The following SEMA4B variants were observed in gnomAD, a reference collection of about 807,000 sequenced individuals.
SEMA4B encodes the protein semaphorin-4B.
Under a neutral mutation model 88.1 loss-of-function variants are expected in SEMA4B, and 55 were observed. That is an observed-to-expected ratio of 0.62 (90% CI 0.50 to 0.78). The LOEUF is 0.78. Among genes scored for constraint, SEMA4B ranks in the 30% least tolerant of loss-of-function variants. The probability of loss-of-function intolerance (pLI) is 0.00; values close to 1 mark genes in which losing one functional copy is unlikely to be tolerated. For missense variants in SEMA4B, 1,062 were observed against 1,111.9 expected (o/e 0.96, Z 0.64); for synonymous variants, 525 against 473.6 (o/e 1.11, Z -1.41).
intron 1 of SEMA4B, among the ~76,000 whole-genome samples, chr15:90,185,341 A>C (rs538265525): frequency 4.9e-4 from 75 of 152,346 alleles, no homozygotes; most frequent in African/African-American, 1.8e-3. Context: ...ACATCGCGCC[A>C]GTGCACCACC....
chr15:90,219,651 G>A (rs1961702742), intron 3 of SEMA4B, 142 bp from the exon 4 acceptor site: 27 of 626,902 alleles, frequency 4.3e-5, no homozygotes, highest in South Asian at 4.1e-4. Flanking sequence ...AAACCCGTGG[G>A]TTCTTTGTTC....
upstream of SEMA4B, among the ~76,000 whole-genome samples, chr15:90,197,662 C>T (rs1445268603): frequency 1.3e-5 from 2 of 151,870 alleles, no homozygotes; most frequent in Non-Finnish European, 2.9e-5. Flanking sequence ...TGGTCTCGAG[C>T]TCCTGACCTC....
chr15:90,210,944 G>A (rs1961238097), intron 1 of SEMA4B, among the ~76,000 whole-genome samples: 3 of 152,222 alleles, frequency 2.0e-5, no homozygotes, highest in Admixed American at 2.0e-4. Flanking sequence ...TTTCTAGAAT[G>A]GACATTGGAA....
rs542636170 is a variant in SEMA4B at position 90,212,699 on chromosome 15, A to C, written c.158-4740A>C. The stretch of plus-strand genomic sequence containing the variant: ...CAAGCTCAGGCAGGGTCCTTCACAG[A>C]CGTCTGCAGTCACTCTGGAGGTGAC... On this transcript the variant is annotated intron_variant, in intron 1 of 13. Coordinates refer to ENST00000411539, the MANE Select transcript of SEMA4B (RefSeq NM_198925.4). This position sits in a 1 kb window ranked among gnomAD's most constrained non-coding sequence, Gnocchi z 4.0. Among the ~76,000 whole-genome samples the C allele has an allele frequency of 6.6e-6, 1 of 152,148 alleles. No individual in the cohort carries two copies. Among genetic ancestry groups the C allele is most frequent in the East Asian group, 1.9e-4 (1 of 5,176 alleles).
upstream of SEMA4B, among the ~76,000 whole-genome samples, chr15:90,198,020 G>A (rs895694430): frequency 4.6e-5 from 7 of 150,630 alleles, no homozygotes; most frequent in African/African-American, 1.7e-4. Context: ...TCCACCTCCC[G>A]GGTTCGCGCC....
At chr15:90,198,634 G>C (rs138430530), upstream of SEMA4B, among the ~76,000 whole-genome samples, 36 of 152,300 alleles carry the variant, frequency 2.4e-4, no homozygotes, top group Non-Finnish European at 4.9e-4. Flanking sequence ...TGGTTATCTA[G>C]GGGGAGAGTG....
intron 7 of SEMA4B, 74 bp downstream of exon 7, chr15:90,221,839 C>T: frequency 7.1e-7 from 1 of 1,417,316 alleles, no homozygotes; most frequent in African/African-American, 1.8e-5. Flanking sequence ...TCACCCACAT[C>T]CATGCATGGC....
At chr15:90,222,746 G>A (rs1417324220) in intron 7 of SEMA4B, among the ~76,000 whole-genome samples, 1 of 151,954 alleles carries the variant, frequency 6.6e-6, no homozygotes, top group African/African-American at 2.4e-5. Flanking sequence ...TTCCTCTTCT[G>A]TTAAATAGGA....
intron 1 of SEMA4B, chr15:90,193,178 C>T (rs777182274): frequency 1.3e-5 from 2 of 152,282 alleles, no homozygotes; most frequent in African/African-American, 2.4e-5. Context: ...GAGAAAGACT[C>T]GCCAACATCC....
At chr15:90,209,827 G>A (rs966338820) in intron 1 of SEMA4B, among the ~76,000 whole-genome samples, 21 of 68,304 alleles carry the variant, frequency 3.1e-4, no homozygotes, top group Admixed American at 1.4e-3. Flanking sequence ...TGAACAGACC[G>A]GAGATGAGAG....
chr15:90,214,565 G>A lies in SEMA4B; in HGVS notation c.158-2874G>A, dbSNP rs187978430. 4.2e-3 allele frequency among the ~76,000 whole-genome samples: 633 copies of A among 149,098 alleles called. 3 individuals carry two copies. The highest frequency in any genetic ancestry group is 0.014 in the African/African-American group (576 of 40,446). On this transcript the variant is annotated intron_variant, in intron 1 of 13. Coordinates refer to ENST00000411539, the MANE Select transcript of SEMA4B (RefSeq NM_198925.4). ...GGAGAATCGCTTGAACCTGGGAGGC[G>A]GAGGTTGCGGTGAGCCAAGATTGTG...
chr15:90,216,031 C>T (rs1196715847), intron 1 of SEMA4B, among the ~76,000 whole-genome samples: 1 of 151,038 alleles, frequency 6.6e-6, no homozygotes, highest in African/African-American at 2.4e-5. Flanking sequence ...TCTTGTTGCC[C>T]AGGCTGGAGT....
At chr15:90,227,719 T>C in intron 13 of SEMA4B, 77 bp downstream of exon 13, 1 of 1,517,204 alleles carries the variant, frequency 6.6e-7, no homozygotes, top group Non-Finnish European at 9.1e-7. Flanking sequence ...GCACAGATGT[T>C]GTAAATGCCT....
rs375879354 is a variant in SEMA4B at position 90,223,963 on chromosome 15, C to A, written c.1169C>A (p.Pro390Gln). The A allele has an allele frequency of 1.9e-6, 3 of 1,613,356 alleles. No homozygotes were observed. The highest frequency in any genetic ancestry group is 2.2e-5 in the East Asian group (1 of 44,876). The change falls in exon 9 of 14, where the codon CCG (proline) becomes CAG (glutamine). Residue 390 changes from proline to glutamine, a missense_variant. Physicochemically the swap from Pro to Gln is moderately conservative, Grantham distance 76. Transcript: ENST00000411539. The part of the protein sequence containing the change: ...ETQQWYTVTH[P>Q]VPTPRPGACI... ...CAGCAGTGGTACACCGTGACCCACC[C>A]GGTGCCCACACCCCGGCCTGGAGCG... is the stretch of plus-strand genomic sequence containing the variant.
At chr15:90,214,809 C>T (rs944499054) in intron 1 of SEMA4B, 16 of 316,410 alleles carry the variant, frequency 5.1e-5, no homozygotes, top group Non-Finnish European at 8.9e-5. Context: ...TTGACCTACT[C>T]GTGAATTTTT....
At chr15:90,220,053 C>A (rs3751658) in intron 4 of SEMA4B, 162 bp downstream of exon 4, 103,791 of 566,986 alleles carry the variant, frequency 0.18, 13,881 homozygotes, top group East Asian at 0.59. Flanking sequence ...CACACCCTGG[C>A]ACAAAGCGCA....
Position 90,225,692 on chromosome 15 carries a change from T to C in SEMA4B, c.1553T>C (p.Val518Ala). 6.4e-7 allele frequency: 1 copy of C among 1,567,876 alleles called. No individual in the cohort carries two copies. Among genetic ancestry groups the C allele is most frequent in the African/African-American group, 1.4e-5 (1 of 73,634 alleles). The part of the protein sequence containing the change: ...GLLYAASHSG[V>A]VQVPMANCSL... ...CTGTATGCGGCCTCACACTCGGGCG[T>C]AGTCCAGGTGCCCATGGCCAACTGC... The change falls in exon 12 of 14, where the codon GTA becomes GCA. Residue 518 changes from valine (V) to alanine (A), a missense_variant. Val to Ala is a moderately conservative substitution (Grantham distance 64). Coordinates refer to ENST00000411539, the MANE Select transcript of SEMA4B (RefSeq NM_198925.4).
At chr15:90,221,270 C>T (rs989112887) in intron 5 of SEMA4B, 97 bp from the exon 6 acceptor site, 2 of 1,232,784 alleles carry the variant, frequency 1.6e-6, no homozygotes, top group South Asian at 1.3e-5. Flanking sequence ...CTGCCCACCA[C>T]AGGCAAAACG....
intron 12 of SEMA4B, among the ~76,000 whole-genome samples, chr15:90,226,921 C>T (rs1472365222): frequency 6.9e-6 from 1 of 144,316 alleles, no homozygotes; most frequent in East Asian, 2.0e-4. Flanking sequence ...TATGCATGTG[C>T]ACTGTTTAAA....
Sources: allele counts gnomAD v4.1 joint callset (sites outside exome capture counted in the v4.1 genomes callset), GRCh38; gene constraint gnomAD v4.1.1; non-coding constraint Gnocchi (gnomAD v3.1); transcripts MANE v1.5; gene names NCBI Gene and HGNC (gene_info 2026-07-23, HGNC 2026-07-21).